SHQ1: variants seen among roughly 807,000 people sequenced by gnomAD.
SHQ1 encodes the protein protein SHQ1 homolog.
A neutral mutation model predicts 53.8 loss-of-function variants in SHQ1; 49 were observed. The ratio of observed to expected loss-of-function variants is 0.91; its 90% CI spans 0.72 to 1.16. The LOEUF (loss-of-function observed/expected upper bound fraction) is 1.16, where lower values mean the gene tolerates loss of function less well. Ranked by LOEUF, SHQ1 falls within the 50% of genes most tolerant of loss-of-function variation. The pLI is 0.00. For synonymous variants in SHQ1, 243 were observed against 251.0 expected, an observed-to-expected ratio of 0.97 and a Z score of 0.30; for missense variants, 738 against 683.1, an observed-to-expected ratio of 1.08 and a Z score of -0.90.
chr3:72,766,735 A>AG (rs1705737717), intron 10 of SHQ1, among the ~76,000 whole-genome samples: 1 of 152,174 alleles, frequency 6.6e-6, no homozygotes, highest in East Asian at 1.9e-4. Context: ...CGGTGAAGGG[A>AG]GGGGGGAACT....
chr3:72,825,660 A>G (rs1403560260), intron 5 of SHQ1, among the ~76,000 whole-genome samples: 1 of 152,210 alleles, frequency 6.6e-6, no homozygotes. Flanking sequence ...TATTCTTGGG[A>G]AAAGCATTAA....
rs73841409 is a variant in SHQ1 at position 72,808,541 on chromosome 3, C to T, written c.1060+4130G>A. ...TATTTGCAAAATGGGGATAGTAATGCCTGCTTCACAGGACTGCAATATGAG... is the reference window on the plus strand; with the variant it reads ...TATTTGCAAAATGGGGATAGTAATGTCTGCTTCACAGGACTGCAATATGAG... On this transcript the variant is annotated intron_variant, in intron 9 of 10. Coordinates refer to ENST00000325599, the MANE Select transcript of SHQ1 (RefSeq NM_018130.3). 4.2e-3 allele frequency among the ~76,000 whole-genome samples: 645 copies of T among 152,140 alleles called. 1 individual carries two copies. The highest frequency in any genetic ancestry group is 0.014 in the African/African-American group (589 of 41,478).
intron 5 of SHQ1, among the ~76,000 whole-genome samples, chr3:72,826,026 G>A (rs908487259): frequency 6.6e-6 from 1 of 152,102 alleles, no homozygotes; most frequent in African/African-American, 2.4e-5. Context: ...CTGAGGCTCA[G>A]AAAAGTTTTG....
chr3:72,753,246 G>C (rs1034434617), intron 10 of SHQ1: 3 of 985,376 alleles, frequency 3.0e-6, no homozygotes, highest in Non-Finnish European at 2.4e-6. Flanking sequence ...AACATTGAGT[G>C]GCTTTGAGAC....
At chr3:72,819,489 GT>G (rs1707414857) in intron 6 of SHQ1, among the ~76,000 whole-genome samples, 1 of 151,716 alleles carries the variant, frequency 6.6e-6, no homozygotes, top group African/African-American at 2.4e-5. Flanking sequence ...TTTAGTTAAG[GT>G]TTCCCCAATC....
intron 9 of SHQ1, chr3:72,794,014 C>T (rs900353118): frequency 6.6e-6 from 1 of 152,032 alleles, no homozygotes; most frequent in Non-Finnish European, 1.5e-5. Flanking sequence ...GTGTTCCAAA[C>T]TTCATGATAT....
chr3:72,822,626 C>G (rs569380369), intron 6 of SHQ1, among the ~76,000 whole-genome samples: 1 of 152,294 alleles, frequency 6.6e-6, no homozygotes, highest in South Asian at 2.1e-4. Context: ...AAATACCGTG[C>G]TAAAATTAGG....
intron 10 of SHQ1, among the ~76,000 whole-genome samples, chr3:72,757,864 A>T (rs1257978028): frequency 6.6e-6 from 1 of 152,218 alleles, no homozygotes; most frequent in East Asian, 1.9e-4. Context: ...AGGAAAAACA[A>T]CTAATAAGTA....
intron 2 of SHQ1, among the ~76,000 whole-genome samples, chr3:72,843,446 T>C (rs140651172): frequency 6.6e-5 from 10 of 152,338 alleles, no homozygotes; most frequent in Admixed American, 3.3e-4. Context: ...AGTTTATCTA[T>C]CTTATTTAGG....
At chr3:72,824,165 ATAAT>A (rs1175663328) in intron 6 of SHQ1, among the ~76,000 whole-genome samples, 1 of 152,250 alleles carries the variant, frequency 6.6e-6, no homozygotes, top group African/African-American at 2.4e-5. Flanking sequence ...GTTTTAAAAA[ATAAT>A]TAATTATAAA....
In SHQ1 at chr3:72,846,383, C is replaced by T. The variant is rs1708329658; in HGVS notation, c.143+1815G>A. 3 of 1,368,936 alleles carry T rather than the reference C, an allele frequency of 2.2e-6. No homozygotes were observed. The Admixed American group carries it at 7.0e-5, about 32-fold the overall frequency. 84.8% of individuals were successfully genotyped at this position (1,368,936 alleles called of 1,614,324 possible). ...AATCTTGGCTCACTGCAACCTTCGC[C>T]CCCCAGGTTCAAGCGATTCTCTCAC... is the stretch of plus-strand genomic sequence containing the variant. On this transcript the variant is annotated intron_variant, in intron 1 of 10. Coordinates refer to ENST00000325599, the MANE Select transcript of SHQ1 (RefSeq NM_018130.3).
At chr3:72,744,741 AAGC>A, downstream of SHQ1, among the ~76,000 whole-genome samples, 1 of 152,310 alleles carries the variant, frequency 6.6e-6, no homozygotes, top group Admixed American at 6.5e-5. Flanking sequence ...CAGGAGAGAA[AAGC>A]AGCAGATCAC....
intron 9 of SHQ1, chr3:72,793,519 A>G (rs1706510506): frequency 6.6e-6 from 1 of 152,112 alleles, no homozygotes; most frequent in South Asian, 2.1e-4. Context: ...AAAAAAAAAA[A>G]AAAAAAGAAT....
chr3:72,770,472 G>A (rs948005319), intron 10 of SHQ1, among the ~76,000 whole-genome samples: 1 of 152,130 alleles, frequency 6.6e-6, no homozygotes, highest in African/African-American at 2.4e-5. Context: ...AATGATCAGG[G>A]CCTGGTTTGA....
intron 6 of SHQ1, among the ~76,000 whole-genome samples, chr3:72,820,538 G>C (rs1447553423): frequency 6.6e-6 from 1 of 152,096 alleles, no homozygotes; most frequent in African/African-American, 2.4e-5. Context: ...TTTTTTATTA[G>C]AGCTGTAAAT....
At chr3:72,776,701 C>T (rs1363165396) in intron 10 of SHQ1, among the ~76,000 whole-genome samples, 2 of 151,862 alleles carry the variant, frequency 1.3e-5, no homozygotes, top group African/African-American at 2.4e-5. Context: ...AGAGTCATAC[C>T]ATATTATTGG....
chr3:72,787,965 C>A (rs1706293241), intron 10 of SHQ1, among the ~76,000 whole-genome samples: 1 of 152,246 alleles, frequency 6.6e-6, no homozygotes, highest in Non-Finnish European at 1.5e-5. Context: ...ATCTGCCAGC[C>A]TCAGCCTCCC....
intron 10 of SHQ1, chr3:72,773,494 A>AAAAAAAAAAAAAAAAAAAAAAAG (rs1466854649): frequency 3.8e-6 from 1 of 263,466 alleles, no homozygotes; most frequent in African/African-American, 2.4e-5. Context: ...AAAAAAAAAA[A>AAAAAAAAAAAAAAAAAAAAAAAG]AAAGAAAAAA....
chr3:72,769,261 T>C (rs1705797181), intron 10 of SHQ1, among the ~76,000 whole-genome samples: 1 of 152,214 alleles, frequency 6.6e-6, no homozygotes, highest in Non-Finnish European at 1.5e-5. Context: ...ACTTCCGTTA[T>C]TTCAAGAGCA....
Sources: allele counts gnomAD v4.1 joint callset (sites outside exome capture counted in the v4.1 genomes callset), GRCh38; gene constraint gnomAD v4.1.1; transcripts MANE v1.5; gene names NCBI Gene and HGNC (gene_info 2026-07-23, HGNC 2026-07-21).